Variants in GDE1 observed in about 807,000 individuals in gnomAD.
The protein encoded by GDE1 is glycerophosphodiester phosphodiesterase 1.
In GDE1, 24 loss-of-function variants were observed where a neutral mutation model predicts 32.2. The observed-to-expected ratio is 0.75, with a 90% CI of 0.54 to 1.05. The LOEUF (loss-of-function observed/expected upper bound fraction) is 1.05, where lower values mean the gene tolerates loss of function less well. Ranked by LOEUF, GDE1 falls within the 50% of genes least tolerant of loss-of-function variation. The probability of loss-of-function intolerance (pLI) is 0.00; values close to 1 mark genes in which losing one functional copy is unlikely to be tolerated. For missense variants in GDE1, 380 were observed against 415.0 expected (o/e 0.92, Z 0.73); for synonymous variants, 159 against 158.6 (o/e 1.00, Z -0.02).
chr16:19,515,441 T>C (rs2353912), intron 2 of GDE1, among the ~76,000 whole-genome samples: 19,282 of 152,148 alleles, frequency 0.13, 1,374 homozygotes, highest in Admixed American at 0.18. Context: ...CAATTTTTTT[T>C]CCTAGGATGC....
chr16:19,519,666 T>C (rs1035310664), intron 1 of GDE1, among the ~76,000 whole-genome samples: 4 of 152,170 alleles, frequency 2.6e-5, no homozygotes, highest in African/African-American at 9.7e-5. Flanking sequence ...CATCTTTTTA[T>C]CTCAATTACT....
At chr16:19,512,411 T>C (rs1432012153) in intron 2 of GDE1, among the ~76,000 whole-genome samples, 1 of 152,214 alleles carries the variant, frequency 6.6e-6, no homozygotes, top group African/African-American at 2.4e-5. Flanking sequence ...ATGTTTTTAA[T>C]GGGATTATTA....
At position 19,514,990 on chromosome 16, in the gene GDE1, C is replaced by T. The variant is rs530596226; in HGVS notation, c.437+2024G>A. 6.9e-5 allele frequency among the ~76,000 whole-genome samples: 10 copies of T among 144,816 alleles called. No homozygotes were observed. In the South Asian group the frequency reaches 1.1e-3, roughly 16 times the overall value. On this transcript the variant is annotated intron_variant, in intron 2 of 5. Transcript: ENST00000353258. ...CTGAGGCAGGAGAATCACTTGAACC[C>T]GGGAGGTGGAGGTTGCAGTGAGCCA...
At chr16:19,505,450 A>G (rs1969234891) in intron 4 of GDE1, among the ~76,000 whole-genome samples, 1 of 152,168 alleles carries the variant, frequency 6.6e-6, no homozygotes, top group Non-Finnish European at 1.5e-5. Flanking sequence ...GAACTCAATG[A>G]GGAGGGAACC....
At chr16:19,519,347 C>T (rs72767511) in intron 1 of GDE1, among the ~76,000 whole-genome samples, 4,216 of 151,886 alleles carry the variant, frequency 0.028, 80 homozygotes, top group Non-Finnish European at 0.042. Flanking sequence ...TTTCCCAAGG[C>T]CTGCTCCTAA....
At chr16:19,509,997 T>C (rs981675056) in intron 3 of GDE1, among the ~76,000 whole-genome samples, 1 of 148,000 alleles carries the variant, frequency 6.8e-6, no homozygotes, top group East Asian at 2.0e-4. Flanking sequence ...TGGGATTAAT[T>C]AAAAAAAAAA....
Position 19,502,735 on chromosome 16 carries a change from A to T in GDE1, c.*735T>A, listed in dbSNP as rs1193965467. 2.6e-5 allele frequency: 4 copies of T among 152,188 alleles called. No individual in the cohort carries two copies. Among genetic ancestry groups the T allele is most frequent in the Non-Finnish European group, 2.9e-5 (2 of 68,032 alleles). 9.4% of individuals were successfully genotyped at this position (152,188 alleles called of 1,614,324 possible). A position where few individuals can be genotyped will look rare whatever the true frequency, so the allele number is the denominator to read the frequency against. ...TCATTTGTAAAATGAGGACAAACCTAGATATTTTTGGAAGTTTCTTCCAGT... is the reference window on the plus strand; with the variant it reads ...TCATTTGTAAAATGAGGACAAACCTTGATATTTTTGGAAGTTTCTTCCAGT... On this transcript the variant is annotated 3_prime_UTR_variant, in exon 6 of 6. Transcript: ENST00000353258.
chr16:19,503,308 C>A lies in GDE1; in HGVS notation c.*162G>T. The A allele has an allele frequency of 1.6e-6, 1 of 641,620 alleles. No homozygotes were observed. The highest frequency in any genetic ancestry group is 2.7e-6 in the Non-Finnish European group (1 of 372,524). The allele number at this position is 641,620 out of a possible 1,614,324, so 39.7% of individuals were successfully genotyped here. A position where few individuals can be genotyped will look rare whatever the true frequency, so the allele number is the denominator to read the frequency against. On this transcript the variant is annotated 3_prime_UTR_variant, in exon 6 of 6. Transcript: ENST00000353258. ...GGCATGCCATGGTGCATGGTGGCAA[C>A]ACCGGGTTTAGCTTTGGTTCAGGTA...
At chr16:19,521,113 T>C (rs1490456880) in intron 1 of GDE1, 3 of 152,824 alleles carry the variant, frequency 2.0e-5, no homozygotes, top group African/African-American at 4.8e-5. Context: ...ACCCATTTTC[T>C]ACTTCATTCA....
chr16:19,514,044 T>C (rs1969350947), intron 2 of GDE1, among the ~76,000 whole-genome samples: 1 of 152,194 alleles, frequency 6.6e-6, no homozygotes, highest in Non-Finnish European at 1.5e-5. Flanking sequence ...TGATGGTCTT[T>C]GGTTTCTTAT....
chr16:19,514,064 T>C (rs1969351253), intron 2 of GDE1, among the ~76,000 whole-genome samples: 3 of 151,642 alleles, frequency 2.0e-5, no homozygotes, highest in Non-Finnish European at 2.9e-5. Flanking sequence ...TATTGTATAA[T>C]GGATGTTATT....
chr16:19,512,927 T>TTTTGTGTGTGTGTG (rs3222404), intron 2 of GDE1, among the ~76,000 whole-genome samples: 1 of 137,006 alleles, frequency 7.3e-6, no homozygotes, highest in Admixed American at 7.3e-5. Flanking sequence ...TGTATCTGTT[T>TTTTGTGTGTGTGTG]TGTGTGTGTG....
intron 1 of GDE1, among the ~76,000 whole-genome samples, chr16:19,520,820 A>G (rs1192686846): frequency 6.6e-6 from 1 of 152,162 alleles, no homozygotes; most frequent in African/African-American, 2.4e-5. Flanking sequence ...AAAAGTGCCT[A>G]ATCCACTGAA....
chr16:19,512,617 A>G (rs1969331773), intron 2 of GDE1, among the ~76,000 whole-genome samples: 1 of 152,326 alleles, frequency 6.6e-6, no homozygotes. Flanking sequence ...GGTCTTAGCC[A>G]TAAAATCTTT....
intron 2 of GDE1, among the ~76,000 whole-genome samples, chr16:19,513,509 TG>T (rs766458043): frequency 1.3e-3 from 202 of 152,332 alleles, no homozygotes; most frequent in Non-Finnish European, 2.4e-3. Context: ...AGTTTTTTGG[TG>T]AAGTCTTTAG....
chr16:19,521,027 C>G (rs1053144138), intron 1 of GDE1, among the ~76,000 whole-genome samples: 1 of 152,152 alleles, frequency 6.6e-6, no homozygotes, highest in African/African-American at 2.4e-5. Flanking sequence ...ATTTACAAGA[C>G]AAGCAAACGT....
At chr16:19,513,122 G>A (rs1567337976) in intron 2 of GDE1, among the ~76,000 whole-genome samples, 2 of 151,994 alleles carry the variant, frequency 1.3e-5, no homozygotes, top group Non-Finnish European at 2.9e-5. Context: ...TTTTAGGATT[G>A]TTGCTTTTCT....
At chr16:19,517,728 G>T (rs1969398877) in intron 1 of GDE1, among the ~76,000 whole-genome samples, 2 of 152,178 alleles carry the variant, frequency 1.3e-5, no homozygotes, top group South Asian at 4.1e-4. Context: ...CCCATAAGTT[G>T]TTAAGCTTGA....
rs768667010 is a variant in GDE1, at chr16:19,521,813, G to A, written c.152C>T (p.Pro51Leu). The A allele has an allele frequency of 2.5e-6, 4 of 1,611,494 alleles. No individual in the cohort carries two copies. In the South Asian group the frequency reaches 3.3e-5, roughly 13 times the overall value. Residue 51 changes from proline (P) to leucine (L), a missense_variant, in exon 1 of 6, where the codon CCC becomes CTC. By Grantham distance (98) the Pro-to-Leu change is moderately conservative. Coordinates refer to ENST00000353258, the MANE Select transcript of GDE1 (RefSeq NM_016641.4). Reference sequence around the variant, plus strand: ...GAGCACCTGCAGGGCCCTGCAAGAGGGCACCGGCTCAAAGCTGAAGACGCG... The same window carrying A: ...GAGCACCTGCAGGGCCCTGCAAGAGAGCACCGGCTCAAAGCTGAAGACGCG... ...LLRVFSFEPV[P>L]SCRALQVLKP...
Sources: gnomAD v4.1 joint callset for allele counts (sites outside exome capture counted in the v4.1 genomes callset) on GRCh38, gnomAD v4.1.1 for gene constraint, MANE v1.5 for transcripts, NCBI Gene and HGNC (gene_info 2026-07-23, HGNC 2026-07-21) for gene names.